The following RELN variants were observed in gnomAD, a reference collection of about 807,000 sequenced individuals.
RELN encodes reelin.
In RELN, 108 loss-of-function variants were observed where a neutral mutation model predicts 427.6. The ratio of observed to expected loss-of-function variants is 0.25; its 90% CI spans 0.22 to 0.30. RELN has a LOEUF of 0.30. Ranked by LOEUF, RELN falls within the 10% of genes least tolerant of loss-of-function variation. RELN has a pLI of 1.00. For synonymous variants in RELN, 1,524 were observed against 1,513.4 expected (o/e 1.01, Z -0.16); for missense variants, 3,715 against 4,302.8 (o/e 0.86, Z 3.82).
intron 6 of RELN, among the ~76,000 whole-genome samples, chr7:103,740,839 TC>T (rs897259955): frequency 5.9e-5 from 9 of 152,196 alleles, no homozygotes; most frequent in African/African-American, 2.2e-4. Flanking sequence ...AGTAAATAAT[TC>T]ACATAAAGCT....
chr7:103,772,004 G>T (rs2237635), intron 4 of RELN, among the ~76,000 whole-genome samples: 1 of 151,886 alleles, frequency 6.6e-6, no homozygotes, highest in Admixed American at 6.5e-5. Flanking sequence ...TGCAGAATGC[G>T]TAAGTCCCTG....
chr7:103,850,456 G>A (rs1167091323), intron 2 of RELN, among the ~76,000 whole-genome samples: 1 of 152,158 alleles, frequency 6.6e-6, no homozygotes, highest in Non-Finnish European at 1.5e-5. Context: ...GAGCTCGCTG[G>A]GTTGCCAGGC....
At chr7:103,856,515 T>A (rs1409211573) in intron 2 of RELN, among the ~76,000 whole-genome samples, 6 of 135,628 alleles carry the variant, frequency 4.4e-5, no homozygotes, top group Non-Finnish European at 6.1e-5. Flanking sequence ...ATTGCAGTGA[T>A]CCAAGATTGC....
At chr7:103,880,557 C>G (rs1371730217) in intron 2 of RELN, among the ~76,000 whole-genome samples, 1 of 152,196 alleles carries the variant, frequency 6.6e-6, no homozygotes, top group Non-Finnish European at 1.5e-5. Context: ...AGCACGAGCT[C>G]TGACAAGGGG....
chr7:103,707,924 C>A (rs1834241253), intron 8 of RELN, among the ~76,000 whole-genome samples: 1 of 152,148 alleles, frequency 6.6e-6, no homozygotes, highest in South Asian at 2.1e-4. Flanking sequence ...AAACAGTACC[C>A]TGTACTTGTT....
intron 51 of RELN, 63 bp downstream of exon 51, chr7:103,510,788 T>C: frequency 7.6e-7 from 1 of 1,320,088 alleles, no homozygotes; most frequent in Non-Finnish European, 1.1e-6. Context: ...ATCTTTTCTC[T>C]GATATTTTTT....
At chr7:103,578,004 C>T (rs1831043391) in intron 28 of RELN, among the ~76,000 whole-genome samples, 1 of 152,162 alleles carries the variant, frequency 6.6e-6, no homozygotes, top group African/African-American at 2.4e-5. Context: ...TGGAAGAAGC[C>T]AGCTCAGATT....
chr7:103,474,437 T>C (rs1205166210), intron 64 of RELN, among the ~76,000 whole-genome samples: 1 of 152,002 alleles, frequency 6.6e-6, no homozygotes, highest in Non-Finnish European at 1.5e-5. Context: ...TTCAAAAAAA[T>C]CAGGTTTTGT....
chr7:103,486,397 G>C lies in RELN; in HGVS notation c.9783C>G (p.Phe3261Leu). Residue 3261 changes from phenylalanine (F) to leucine (L), a missense_variant, in exon 61 of 65, where the codon TTC (phenylalanine) becomes TTG (leucine). Physicochemically the swap from Phe to Leu is conservative, Grantham distance 22. Around this residue, in one of 4 missense-constraint regions of RELN, gnomAD observed 195 missense variants for 281.3 expected, o/e 0.69. Transcript: ENST00000428762. ...ESFQGDDCSV[F>L]SHDLPSYIKD... ...TAATATAACTGGGAAGGTCGTGACT[G>C]AAAACAGAGCAGTCATCACCTAGAG... is the stretch of plus-strand genomic sequence containing the variant. 6.2e-7 allele frequency: 1 copy of C among 1,614,046 alleles called. No individual in the cohort carries two copies. The highest frequency in any genetic ancestry group is 8.5e-7 in the Non-Finnish European group (1 of 1,179,964).
At chr7:103,790,865 G>A (rs1252106407) in intron 3 of RELN, among the ~76,000 whole-genome samples, 19 of 152,120 alleles carry the variant, frequency 1.2e-4, no homozygotes, top group Non-Finnish European at 8.8e-5. Context: ...GGGAGGCTGA[G>A]GCAGAAGAAT....
At position 103,497,882 on chromosome 7, in the gene RELN, G is replaced by T. The variant is rs200781285; in HGVS notation, c.8888C>A (p.Thr2963Asn). ...WGRIGSENNM[T>N]SCHRPICRKE... ...CCGGCAGATGGGACGATGGCAAGAGGTCATGTTGTTCTCACTACCGATGCG... is the reference window on the plus strand; with the variant it reads ...CCGGCAGATGGGACGATGGCAAGAGTTCATGTTGTTCTCACTACCGATGCG... The change falls in exon 55 of 65, where the codon ACC becomes AAC. Residue 2963 changes from threonine (T) to asparagine (N), a missense_variant. Thr to Asn is a moderately conservative substitution (Grantham distance 65). Transcript: ENST00000428762. 2 of 1,614,126 alleles carry T rather than the reference G, an allele frequency of 1.2e-6. No individual in the cohort carries two copies. The highest frequency in any genetic ancestry group is 4.5e-5 in the East Asian group (2 of 44,874).
At chr7:103,658,992 TA>T (rs917921007) in intron 12 of RELN, among the ~76,000 whole-genome samples, 3 of 151,776 alleles carry the variant, frequency 2.0e-5, no homozygotes, top group Non-Finnish European at 4.4e-5. Context: ...GGGTTCTCCC[TA>T]AGAATTGTTT....
chr7:103,740,651 T>C (rs1341551257), intron 6 of RELN, among the ~76,000 whole-genome samples: 1 of 152,208 alleles, frequency 6.6e-6, no homozygotes, highest in Non-Finnish European at 1.5e-5. Context: ...GTAAATGAGA[T>C]AAACTTGAAT....
At chr7:103,512,523 G>A (rs1014261477) in intron 50 of RELN, among the ~76,000 whole-genome samples, 3 of 152,258 alleles carry the variant, frequency 2.0e-5, no homozygotes, top group South Asian at 4.1e-4. Flanking sequence ...TACTACTGAA[G>A]AAATAGATTT....
rs1794413665 is a variant in RELN at position 103,873,922 on chromosome 7, A to T, written c.338-40250T>A. On this transcript the variant is annotated intron_variant, in intron 2 of 64. Coordinates refer to ENST00000428762, the MANE Select transcript of RELN (RefSeq NM_005045.4). ...CAACCAAAAAGGAGAATTTTAGACCAATATCCTTGATGAACATTGAGGTAA... is the reference window on the plus strand; with the variant it reads ...CAACCAAAAAGGAGAATTTTAGACCTATATCCTTGATGAACATTGAGGTAA... Among the ~76,000 whole-genome samples, 2 of 132,126 alleles carry T rather than the reference A, an allele frequency of 1.5e-5. 1 individual carries two copies. Among genetic ancestry groups the T allele is most frequent in the Non-Finnish European group, 3.3e-5 (2 of 60,110 alleles). The allele number at this position is 132,126 out of a possible 152,430, so 86.7% of individuals were successfully genotyped here.
intron 3 of RELN, among the ~76,000 whole-genome samples, chr7:103,831,205 T>G (rs1793266237): frequency 6.6e-6 from 1 of 152,130 alleles, no homozygotes; most frequent in Non-Finnish European, 1.5e-5. Flanking sequence ...AACTTTTGTT[T>G]TAAATTAAGA....
chr7:103,507,575 AAGC>A (rs758154202), intron 51 of RELN, among the ~76,000 whole-genome samples: 16 of 152,370 alleles, frequency 1.1e-4, no homozygotes, highest in Admixed American at 2.0e-4. Context: ...CCACAAGAGA[AAGC>A]AGGAAAGATC....
chr7:103,814,837 C>A (rs1792831072), intron 3 of RELN, among the ~76,000 whole-genome samples: 1 of 152,150 alleles, frequency 6.6e-6, no homozygotes, highest in African/African-American at 2.4e-5. Flanking sequence ...TTTCTAGCTA[C>A]CATTAGAACT....
intron 4 of RELN, among the ~76,000 whole-genome samples, chr7:103,759,990 C>CTTTTTTTTTTTTTTTTTTTTTT (rs57019839): frequency 1.5e-5 from 1 of 64,932 alleles, no homozygotes; most frequent in Non-Finnish European, 2.9e-5. Flanking sequence ...CACAGTCATA[C>CTTTTTTTTTTTTTTTTTTTTTT]TTTTTTTTTT....
Sources: gnomAD v4.1 joint callset for allele counts (sites outside exome capture counted in the v4.1 genomes callset) on GRCh38, gnomAD v4.1.1 for gene constraint, gnomAD v4.1.1 regional missense constraint, MANE v1.5 for transcripts, NCBI Gene and HGNC (gene_info 2026-07-23, HGNC 2026-07-21) for gene names.